Variants in HS6ST3 observed in about 807,000 individuals in gnomAD.
The protein encoded by HS6ST3 is heparan sulfate 6-O-sulfotransferase 3.
HS6ST3 carries 12 observed loss-of-function variants against 36.7 expected under a neutral mutation model. The observed-to-expected ratio is 0.33, with a 90% CI of 0.21 to 0.53. The LOEUF is 0.53. Ranked by LOEUF, HS6ST3 falls within the 20% of genes least tolerant of loss-of-function variation. The pLI, the probability that HS6ST3 is intolerant of heterozygous loss-of-function variation, is 0.95. For missense variants in HS6ST3, 584 were observed against 640.9 expected, an observed-to-expected ratio of 0.91 and a Z score of 0.96; for synonymous variants, 240 against 257.5, an observed-to-expected ratio of 0.93 and a Z score of 0.65.
chr13:96,804,581 G>C (rs1030317025), intron 1 of HS6ST3, among the ~76,000 whole-genome samples: 1 of 152,074 alleles, frequency 6.6e-6, no homozygotes, highest in Non-Finnish European at 1.5e-5. Context: ...GGTTCACCAT[G>C]CGATACTTAG....
At chr13:96,205,400 A>G (rs1188455157) in intron 1 of HS6ST3, among the ~76,000 whole-genome samples, 1 of 152,176 alleles carries the variant, frequency 6.6e-6, no homozygotes, top group Non-Finnish European at 1.5e-5. Context: ...CCAGACGTAC[A>G]CTGAAGACCT....
intron 1 of HS6ST3, among the ~76,000 whole-genome samples, chr13:96,730,435 T>C (rs1364494387): frequency 6.6e-6 from 1 of 152,208 alleles, no homozygotes; most frequent in African/African-American, 2.4e-5. Flanking sequence ...GTAGAGTTAA[T>C]TGGATCACCA....
chr13:96,541,819 AT>A (rs1468611819), intron 1 of HS6ST3, among the ~76,000 whole-genome samples: 2 of 152,214 alleles, frequency 1.3e-5, no homozygotes, highest in African/African-American at 4.8e-5. Flanking sequence ...TATCTTCATC[AT>A]TCCCAAATTA....
At chr13:96,520,003 A>G (rs943471271) in intron 1 of HS6ST3, among the ~76,000 whole-genome samples, 2 of 152,106 alleles carry the variant, frequency 1.3e-5, no homozygotes, top group African/African-American at 4.8e-5. Context: ...TAGTAATTCT[A>G]TTGGTTACCT....
intron 1 of HS6ST3, among the ~76,000 whole-genome samples, chr13:96,162,265 G>A (rs911185048): frequency 6.6e-6 from 1 of 152,174 alleles, no homozygotes; most frequent in Non-Finnish European, 1.5e-5. Context: ...AGCAGAAGGT[G>A]AAAAAGAGAA....
At position 96,833,234 on chromosome 13, in the gene HS6ST3, G is replaced by A. The variant is rs1048386135; in HGVS notation, c.*36G>A. 12 of 1,449,298 alleles carry A rather than the reference G, an allele frequency of 8.3e-6. No individual in the cohort carries two copies. Among genetic ancestry groups the A allele is most frequent in the Non-Finnish European group, 1.1e-5 (12 of 1,098,280 alleles). 89.8% of individuals were successfully genotyped at this position (1,449,298 alleles called of 1,614,324 possible). ...TCTCCTCTCTCAGGAGGGGGAGGGT[G>A]AGCAGGCACATTGACTTTCTGTTGA... is the stretch of plus-strand genomic sequence containing the variant. On this transcript the variant is annotated 3_prime_UTR_variant, in exon 2 of 2. Coordinates refer to ENST00000376705, the MANE Select transcript of HS6ST3 (RefSeq NM_153456.4).
intron 1 of HS6ST3, among the ~76,000 whole-genome samples, chr13:96,372,596 C>G (rs2055295168): frequency 1.3e-5 from 2 of 152,022 alleles, no homozygotes; most frequent in Non-Finnish European, 2.9e-5. Flanking sequence ...ATGTTTTCTT[C>G]TAGGAATTTT....
At chr13:96,736,256 T>A (rs544657708) in intron 1 of HS6ST3, among the ~76,000 whole-genome samples, 4 of 151,798 alleles carry the variant, frequency 2.6e-5, no homozygotes, top group Admixed American at 2.0e-4. Flanking sequence ...AACAAACAAG[T>A]GACCAACAAA....
At chr13:96,783,451 C>CT (rs746755608) in intron 1 of HS6ST3, among the ~76,000 whole-genome samples, 1 of 152,088 alleles carries the variant, frequency 6.6e-6, no homozygotes, top group East Asian at 1.9e-4. Context: ...ATTTTTGTTA[C>CT]TGCTTTAAGT....
chr13:96,629,696 A>T (rs537174644), intron 1 of HS6ST3, among the ~76,000 whole-genome samples: 1 of 152,268 alleles, frequency 6.6e-6, no homozygotes, highest in South Asian at 2.1e-4. Flanking sequence ...TTTCATTATC[A>T]ATATTTCTAG....
chr13:96,612,295 A>AC (rs2056459614), intron 1 of HS6ST3, among the ~76,000 whole-genome samples: 1 of 151,450 alleles, frequency 6.6e-6, no homozygotes, highest in South Asian at 2.1e-4. Flanking sequence ...GGCTTCCCAG[A>AC]CCCCCACTCT....
chr13:96,624,715 G>A (rs759637950), intron 1 of HS6ST3, among the ~76,000 whole-genome samples: 16 of 152,074 alleles, frequency 1.1e-4, no homozygotes, highest in Admixed American at 2.0e-4. Flanking sequence ...TTCTGTTTTC[G>A]TGTCTGACTC....
chr13:96,598,272 G>A (rs2056409287), intron 1 of HS6ST3, among the ~76,000 whole-genome samples: 1 of 152,060 alleles, frequency 6.6e-6, no homozygotes, highest in Non-Finnish European at 1.5e-5. Context: ...GGGCAGTATG[G>A]TCATTTTGAT....
intron 1 of HS6ST3, among the ~76,000 whole-genome samples, chr13:96,776,860 A>T (rs1299573908): frequency 1.3e-5 from 2 of 152,218 alleles, no homozygotes; most frequent in Non-Finnish European, 2.9e-5. Flanking sequence ...CATCATCCTG[A>T]TAGAAAAACC....
At chr13:96,368,220 A>G (rs994833538) in intron 1 of HS6ST3, among the ~76,000 whole-genome samples, 5 of 152,108 alleles carry the variant, frequency 3.3e-5, no homozygotes, top group African/African-American at 1.2e-4. Context: ...GAAACCTATT[A>G]CCCATCCAAA....
chr13:96,327,450 T>C (rs1443876464), intron 1 of HS6ST3, among the ~76,000 whole-genome samples: 1 of 151,996 alleles, frequency 6.6e-6, no homozygotes, highest in East Asian at 1.9e-4. Context: ...CTTTCCCCAT[T>C]GCTTGTTTTT....
intron 1 of HS6ST3, among the ~76,000 whole-genome samples, chr13:96,281,626 A>G (rs1435977875): frequency 6.6e-6 from 1 of 152,208 alleles, no homozygotes; most frequent in East Asian, 1.9e-4. Flanking sequence ...AGAAGTATTT[A>G]CTAGACATCT....
chr13:96,832,862 A>G lies in HS6ST3; in HGVS notation c.1080A>G (p.Thr360=), dbSNP rs565845833. 48 of 1,614,214 alleles carry G rather than the reference A, an allele frequency of 3.0e-5. No homozygotes were observed. In the South Asian group the frequency reaches 4.9e-4, roughly 17 times the overall value. The change falls in exon 2 of 2, where the codon ACA becomes ACG. Residue 360 remains threonine (T), a synonymous_variant. Transcript: ENST00000376705. ...FFGLTEFQRK[T]QFLFERTFNL... ...GGCTCACTGAGTTCCAGAGGAAGAC[A>G]CAGTTTCTCTTTGAGAGAACATTCA...
chr13:96,144,143 A>C (rs1457180141), intron 1 of HS6ST3, among the ~76,000 whole-genome samples: 3 of 152,150 alleles, frequency 2.0e-5, no homozygotes, highest in Admixed American at 6.5e-5. Context: ...CAGTTTAAGG[A>C]GGATAAAATA....
Sources: allele counts gnomAD v4.1 joint callset (sites outside exome capture counted in the v4.1 genomes callset), GRCh38; gene constraint gnomAD v4.1.1; transcripts MANE v1.5; gene names NCBI Gene and HGNC (gene_info 2026-07-23, HGNC 2026-07-21).